ATP4A: variants seen among roughly 807,000 people sequenced by gnomAD.
ATP4A encodes potassium-transporting ATPase alpha chain 1.
A neutral mutation model predicts 112.1 loss-of-function variants in ATP4A; 73 were observed. That is an observed-to-expected ratio of 0.65 (90% CI 0.54 to 0.79). The LOEUF is 0.79. Ranked by LOEUF, ATP4A falls within the 30% of genes least tolerant of loss-of-function variation. The probability of loss-of-function intolerance (pLI) is 0.00; values close to 1 mark genes in which losing one functional copy is unlikely to be tolerated. For missense variants in ATP4A, 1,081 were observed against 1,425.9 expected, an observed-to-expected ratio of 0.76 and a Z score of 3.90; for synonymous variants, 588 against 588.9, an observed-to-expected ratio of 1.00 and a Z score of 0.02.
chr19:35,553,573 A>G, intron 17 of ATP4A, 133 bp downstream of exon 17: 1 of 1,325,266 alleles, frequency 7.5e-7, no homozygotes, highest in East Asian at 2.5e-5. Context: ...GACACGGAGG[A>G]CAACGGAGAC....
In ATP4A at chr19:35,558,759, G is replaced by A. The variant is rs1354169726; in HGVS notation, c.1256-73C>T. The A allele has an allele frequency of 2.1e-6, 3 of 1,450,016 alleles. No individual in the cohort carries two copies. The highest frequency in any genetic ancestry group is 2.6e-5 in the South Asian group (2 of 75,794). The allele number at this position is 1,450,016 out of a possible 1,614,324, so 89.8% of individuals were successfully genotyped here. ...ACCAGAACCGAGCCCCCTCCTCCTA[G>A]GCTCATATCGCGGGCCCCCTCCCCA... On this transcript the variant is annotated intron_variant, in intron 8 of 21. Coordinates refer to ENST00000262623, the MANE Select transcript of ATP4A (RefSeq NM_000704.3). The surrounding 1 kb of genome is among the most constrained non-coding windows in gnomAD (Gnocchi z 5.1).
At position 35,559,658 on chromosome 19, in the gene ATP4A, A is replaced by G; in HGVS notation, c.1056+147T>C. 1 of 1,328,190 alleles carries G rather than the reference A, an allele frequency of 7.5e-7. No individual in the cohort carries two copies. Among genetic ancestry groups the G allele is most frequent in the Non-Finnish European group, 1.0e-6 (1 of 987,166 alleles). The allele number at this position is 1,328,190 out of a possible 1,614,324, so 82.3% of individuals were successfully genotyped here. On this transcript the variant is annotated intron_variant, in intron 7 of 21. Transcript: ENST00000262623. This position sits in a 1 kb window ranked among gnomAD's most constrained non-coding sequence, Gnocchi z 4.1. ...GGTTGCCTCGGGAAGGACTTGCTGA[A>G]TGAGTGGATGATGGGAAGGCAGGAG...
chr19:35,562,941 C>T (rs529084080), intron 3 of ATP4A, among the ~76,000 whole-genome samples: 1 of 151,866 alleles, frequency 6.6e-6, no homozygotes, highest in East Asian at 1.9e-4. Flanking sequence ...CTGTGTGTCA[C>T]CCTTTCTCTC....
chr19:35,560,281 A>C lies in ATP4A; in HGVS notation c.787+82T>G, dbSNP rs377369668. On this transcript the variant is annotated intron_variant, in intron 6 of 21. Coordinates refer to ENST00000262623, the MANE Select transcript of ATP4A (RefSeq NM_000704.3). This position sits in a 1 kb window ranked among gnomAD's most constrained non-coding sequence, Gnocchi z 5.1. ...ATGCAGGAGAGAGACAGGGAGGCTG[A>C]AGCCCCCTGTCCTAGAAGATAGCAG... is the stretch of plus-strand genomic sequence containing the variant. 6.3e-7 allele frequency: 1 copy of C among 1,581,140 alleles called. No individual in the cohort carries two copies.
chr19:35,560,654 TG>T lies in ATP4A; in HGVS notation c.535-40del. On this transcript the variant is annotated intron_variant, in intron 5 of 21. Coordinates refer to ENST00000262623, the MANE Select transcript of ATP4A (RefSeq NM_000704.3). The surrounding 1 kb of genome is among the most constrained non-coding windows in gnomAD (Gnocchi z 5.1). ...GCACCAAAGTTGAGGTGGACGGGGG[TG>T]GGGGTGGGAGCTGCTGCATGTGGGG... 3.9e-6 allele frequency: 2 copies of T among 506,872 alleles called. No homozygotes were observed. The highest frequency in any genetic ancestry group is 3.0e-6 in the Non-Finnish European group (1 of 332,110). The allele number at this position is 506,872 out of a possible 1,614,324, so 31.4% of individuals were successfully genotyped here.
Position 35,551,718 on chromosome 19 carries a change from T to TG in ATP4A, c.2752-139dup. ...TCTGCCTTGCATCAGAGTGTGGGGGTGGGGGGAAGGAGAGAGGCAGGGTCT... is the reference window on the plus strand; with the variant it reads ...TCTGCCTTGCATCAGAGTGTGGGGGTGGGGGGGAAGGAGAGAGGCAGGGTCT... On this transcript the variant is annotated intron_variant, in intron 18 of 21. Coordinates refer to ENST00000262623, the MANE Select transcript of ATP4A (RefSeq NM_000704.3). This position sits in a 1 kb window ranked among gnomAD's most constrained non-coding sequence, Gnocchi z 5.2. The TG allele has an allele frequency of 1.9e-6, 2 of 1,065,878 alleles. No individual in the cohort carries two copies. Among genetic ancestry groups the TG allele is most frequent in the Non-Finnish European group, 2.6e-6 (2 of 756,748 alleles). 66.0% of individuals were successfully genotyped at this position (1,065,878 alleles called of 1,614,324 possible).
In ATP4A at chr19:35,560,651, G is replaced by C; in HGVS notation, c.535-36C>G. The C allele has an allele frequency of 6.4e-7, 1 of 1,565,828 alleles. No homozygotes were observed. Among genetic ancestry groups the C allele is most frequent in the African/African-American group, 1.3e-5 (1 of 74,238 alleles). ...GGGGCACCAAAGTTGAGGTGGACGG[G>C]GGTGGGGGTGGGAGCTGCTGCATGT... On this transcript the variant is annotated intron_variant, in intron 5 of 21. Coordinates refer to ENST00000262623, the MANE Select transcript of ATP4A (RefSeq NM_000704.3). The surrounding 1 kb of genome is among the most constrained non-coding windows in gnomAD (Gnocchi z 5.1).
rs563192981 is a variant in ATP4A, at chr19:35,562,531, G to A, written c.324C>T (p.Ala108=). 8.7e-5 allele frequency: 140 copies of A among 1,613,754 alleles called. 3 individuals are homozygous for A. In the South Asian group the frequency reaches 1.2e-3, roughly 13 times the overall value. Residue 108 remains alanine, a synonymous_variant, in exon 4 of 22, where the codon GCC becomes GCT. Transcript: ENST00000262623. The stretch of plus-strand genomic sequence containing the variant: ...CCCACATGAGGCACTGCAGGCCCCC[G>A]GCCAGCTGCCTCGCGAACTTGACGT... The part of the protein sequence containing the change: ...PEYVKFARQL[A]GGLQCLMWVA...
intron 2 of ATP4A, 49 bp downstream of exon 2, chr19:35,563,335 G>C (rs757463360): frequency 6.8e-6 from 11 of 1,609,034 alleles, no homozygotes; most frequent in Admixed American, 1.7e-5. Flanking sequence ...CCCACTGCCT[G>C]GTTCCCAGCC....
rs1375137917 is a variant in ATP4A, at chr19:35,560,301, T to C, written c.787+62A>G. 9 of 1,601,398 alleles carry C rather than the reference T, an allele frequency of 5.6e-6. No individual in the cohort carries two copies. The highest frequency in any genetic ancestry group is 2.0e-4 in the Middle Eastern group (1 of 4,938). ...GGCTGAAGCCCCCTGTCCTAGAAGA[T>C]AGCAGGAGAGAGGCCAGTGGAGGCA... On this transcript the variant is annotated intron_variant, in intron 6 of 21. Coordinates refer to ENST00000262623, the MANE Select transcript of ATP4A (RefSeq NM_000704.3). The surrounding 1 kb of genome is among the most constrained non-coding windows in gnomAD (Gnocchi z 5.1).
Position 35,554,990 on chromosome 19 carries a change from T to G in ATP4A, c.2413A>C (p.Ile805Leu). Residue 805 changes from isoleucine to leucine, a missense_variant, in exon 16 of 22, where the codon ATC becomes CTC. This residue lies in a region of ATP4A where 219 missense variants were observed against 320.9 expected (regional missense o/e 0.68). Coordinates refer to ENST00000262623, the MANE Select transcript of ATP4A (RefSeq NM_000704.3). ...IPELTPYLIY[I>L]TVSVPLPLGC... ...AGGGGCAGGGGCACGCTGACGGTGA[T>G]GTAGATGAGGTAGGGTGTCAGCTCT... is the stretch of plus-strand genomic sequence containing the variant. The G allele has an allele frequency of 6.2e-7, 1 of 1,614,086 alleles. No individual in the cohort carries two copies. The highest frequency in any genetic ancestry group is 1.6e-4 in the Middle Eastern group (1 of 6,062).
chr19:35,563,277 T>C lies in ATP4A; in HGVS notation c.157-9A>G. 6.2e-7 allele frequency: 1 copy of C among 1,614,036 alleles called. No individual in the cohort carries two copies. The highest frequency in any genetic ancestry group is 1.1e-5 in the South Asian group (1 of 91,078). ...GACAGCTGGTGGTCGTTCTGTGTGG[T>C]GGGGTGGGGCAGGGTGCTTGCTCTG... On this transcript the variant is annotated splice_polypyrimidine_tract_variant and intron_variant, in intron 2 of 21. Coordinates refer to ENST00000262623, the MANE Select transcript of ATP4A (RefSeq NM_000704.3).
In ATP4A at chr19:35,560,451, A is replaced by C. The variant is rs767088693; in HGVS notation, c.699T>G (p.Ser233=). 6.2e-7 allele frequency: 1 copy of C among 1,613,866 alleles called. No homozygotes were observed. The highest frequency in any genetic ancestry group is 2.2e-5 in the East Asian group (1 of 44,874). Residue 233 remains serine (S), a synonymous_variant, in exon 6 of 22, where the codon TCT becomes TCG. Coordinates refer to ENST00000262623, the MANE Select transcript of ATP4A (RefSeq NM_000704.3). This position sits in a 1 kb window ranked among gnomAD's most constrained non-coding sequence, Gnocchi z 5.1. ...KVDNSSLTGE[S]EPQTRSPECT... ...ACTCGGGTGAGCGGGTCTGTGGCTC[A>C]GACTCCCCTGTCAGCGAGGAGTTGT...
At chr19:35,562,851 C>G (rs928644488) in intron 3 of ATP4A, among the ~76,000 whole-genome samples, 21 of 149,494 alleles carry the variant, frequency 1.4e-4, no homozygotes. Context: ...TTCTATGTGT[C>G]TCTCTCCTGC....
chr19:35,563,173 C>T (rs1414665859), intron 3 of ATP4A, 36 bp downstream of exon 3: 3 of 1,611,598 alleles, frequency 1.9e-6, no homozygotes, highest in Non-Finnish European at 2.5e-6. Flanking sequence ...CCTCTCTCCT[C>T]CTCCCCTTTC....
chr19:35,551,667 A>G lies in ATP4A; in HGVS notation c.2752-87T>C. 6.6e-7 allele frequency: 1 copy of G among 1,523,580 alleles called. No individual in the cohort carries two copies. The highest frequency in any genetic ancestry group is 1.2e-5 in the South Asian group (1 of 83,174). The allele number at this position is 1,523,580 out of a possible 1,614,324, so 94.4% of individuals were successfully genotyped here. On this transcript the variant is annotated intron_variant, in intron 18 of 21. Transcript: ENST00000262623. This position sits in a 1 kb window ranked among gnomAD's most constrained non-coding sequence, Gnocchi z 5.2. ...TGCAGCCCACCGGGCATAGGGTCCC[A>G]GGGCCGTGAACCCCTAAATGCTCTC... is the stretch of plus-strand genomic sequence containing the variant.
rs761789435 is a variant in ATP4A at position 35,559,862 on chromosome 19, G to A, written c.999C>T (p.Val333=). 6.2e-7 allele frequency: 1 copy of A among 1,614,212 alleles called. No homozygotes were observed. Among genetic ancestry groups the A allele is most frequent in the Non-Finnish European group, 8.5e-7 (1 of 1,180,030 alleles). ...AGGCCACCACGATGGCCATGAAGAA[G>A]ACCATGGCCCGCAGGAAGGTGTAGC... ...CIGYTFLRAM[V]FFMAIVVAYV... The change falls in exon 7 of 22, where the codon GTC becomes GTT. Residue 333 remains valine, a synonymous_variant. Coordinates refer to ENST00000262623, the MANE Select transcript of ATP4A (RefSeq NM_000704.3). This position sits in a 1 kb window ranked among gnomAD's most constrained non-coding sequence, Gnocchi z 4.1.
Position 35,560,598 on chromosome 19 carries a change from G to T in ATP4A, c.552C>A (p.Arg184=), listed in dbSNP as rs149907700. Residue 184 remains arginine (R), a synonymous_variant, in exon 6 of 22, where the codon CGC becomes CGA. Transcript: ENST00000262623. This position sits in a 1 kb window ranked among gnomAD's most constrained non-coding sequence, Gnocchi z 5.1. ...CGTTGATCTGGAATTTGTCTCCATC[G>T]CGGATGACAGTGGCTTGCTGCGGGG... ...NLVPQQATVI[R]DGDKFQINAD... 174 of 1,611,988 alleles carry T rather than the reference G, an allele frequency of 1.1e-4. 1 individual carries two copies. The East Asian group carries it at 2.9e-3, about 27-fold the overall frequency.
intron 18 of ATP4A, among the ~76,000 whole-genome samples, chr19:35,552,070 G>A (rs117106827): frequency 4.0e-5 from 6 of 151,880 alleles, no homozygotes; most frequent in East Asian, 3.9e-4. Context: ...TTTTTGAGAT[G>A]GAATCTCGCT....
Sources: gnomAD v4.1 joint callset for allele counts (sites outside exome capture counted in the v4.1 genomes callset) on GRCh38, gnomAD v4.1.1 for gene constraint, gnomAD v4.1.1 regional missense constraint, Gnocchi (gnomAD v3.1) non-coding constraint, MANE v1.5 for transcripts, NCBI Gene and HGNC (gene_info 2026-07-23, HGNC 2026-07-21) for gene names.